ANK1: variants seen among roughly 807,000 people sequenced by gnomAD.
ANK1 encodes ankyrin-1.
Under a neutral mutation model 210.4 loss-of-function variants are expected in ANK1, and 51 were observed. The ratio of observed to expected loss-of-function variants is 0.24; its 90% CI spans 0.19 to 0.31. ANK1 has a LOEUF of 0.31. Among genes scored for constraint, ANK1 ranks in the 10% least tolerant of loss-of-function variants. The pLI is 1.00. For synonymous variants in ANK1, 967 were observed against 1,025.9 expected, an observed-to-expected ratio of 0.94 and a Z score of 1.10; for missense variants, 2,051 against 2,504.4, an observed-to-expected ratio of 0.82 and a Z score of 3.86.
At chr8:41,720,567 A>C (rs1328225071) in intron 9 of ANK1, among the ~76,000 whole-genome samples, 1 of 152,168 alleles carries the variant, frequency 6.6e-6, no homozygotes, top group Non-Finnish European at 1.5e-5. Flanking sequence ...GTATGGGTTA[A>C]GCTCTGGGGA....
intron 38 of ANK1, among the ~76,000 whole-genome samples, chr8:41,670,017 C>G (rs1811782445): frequency 6.6e-6 from 1 of 152,100 alleles, no homozygotes; most frequent in Admixed American, 6.5e-5. Context: ...TCATGCAGGC[C>G]TCCCCTGGCC....
chr8:41,714,022 C>T (rs963374887), intron 16 of ANK1, 134 bp downstream of exon 16: 9 of 543,040 alleles, frequency 1.7e-5, no homozygotes, highest in Non-Finnish European at 2.0e-5. Context: ...GAAAGTGAGG[C>T]GTGATTTCTG....
intron 29 of ANK1, 149 bp from the exon 30 acceptor site, chr8:41,693,350 T>A (rs914973351): frequency 1.5e-6 from 1 of 667,120 alleles, no homozygotes; most frequent in African/African-American, 1.8e-5. Flanking sequence ...ACCCCGCTGC[T>A]CTTCCTCCTA....
intron 13 of ANK1, 124 bp from the exon 14 acceptor site, chr8:41,715,973 A>G: frequency 1.9e-6 from 2 of 1,056,492 alleles, no homozygotes; most frequent in Middle Eastern, 2.8e-4. Context: ...TCACACAGCT[A>G]AGAAGATGAA....
intron 1 of ANK1, among the ~76,000 whole-genome samples, chr8:41,771,721 G>A (rs183825704): frequency 6.2e-4 from 94 of 152,274 alleles, no homozygotes; most frequent in African/African-American, 1.9e-3. Flanking sequence ...GTGGGGTTCT[G>A]TCCTCTGGGC....
chr8:41,832,733 C>CATT (rs1299870173), intron 1 of ANK1, among the ~76,000 whole-genome samples: 2 of 152,228 alleles, frequency 1.3e-5, no homozygotes, highest in African/African-American at 4.8e-5. Flanking sequence ...ATACCCAATA[C>CATT]ATTTGAATTT....
chr8:41,770,258 C>T (rs566598148), intron 1 of ANK1, among the ~76,000 whole-genome samples: 6 of 152,274 alleles, frequency 3.9e-5, no homozygotes, highest in African/African-American at 1.4e-4. Flanking sequence ...GTTGGGATTA[C>T]GGGCGTGAGC....
intron 1 of ANK1, among the ~76,000 whole-genome samples, chr8:41,784,057 C>CAA (rs34846355): frequency 1.9e-4 from 26 of 140,422 alleles, no homozygotes; most frequent in African/African-American, 4.6e-4. Context: ...GACCCTATCT[C>CAA]AAAAAAAAAA....
chr8:41,755,377 A>T (rs1838870209), intron 2 of ANK1, among the ~76,000 whole-genome samples: 1 of 152,164 alleles, frequency 6.6e-6, no homozygotes, highest in South Asian at 2.1e-4. Context: ...AGTCTAACAC[A>T]CGTTCAGTTG....
chr8:41,667,937 C>T (rs977093737), intron 39 of ANK1, among the ~76,000 whole-genome samples: 1 of 152,154 alleles, frequency 6.6e-6, no homozygotes, highest in African/African-American at 2.4e-5. Context: ...TTCTAAAACG[C>T]GACAGAACAA....
intron 39 of ANK1, 57 bp from the exon 40 acceptor site, chr8:41,663,799 G>A: frequency 7.1e-7 from 1 of 1,403,352 alleles, no homozygotes. Flanking sequence ...CTGGGAGGAA[G>A]GGTGGAGGAC....
At chr8:41,776,278 C>T (rs1239643323) in intron 1 of ANK1, among the ~76,000 whole-genome samples, 2 of 152,144 alleles carry the variant, frequency 1.3e-5, no homozygotes, top group Admixed American at 6.5e-5. Context: ...GAAAAAATGC[C>T]AGCCACCAAT....
intron 10 of ANK1, 90 bp downstream of exon 10, chr8:41,719,571 G>A (rs1022586986): frequency 2.1e-5 from 32 of 1,556,778 alleles, no homozygotes; most frequent in Admixed American, 3.3e-5. Flanking sequence ...GGCACCTGCC[G>A]CCCTTCCCAC....
At chr8:41,735,389 G>A (rs1052566728) in intron 2 of ANK1, among the ~76,000 whole-genome samples, 14 of 151,838 alleles carry the variant, frequency 9.2e-5, no homozygotes, top group Non-Finnish European at 8.8e-5. Context: ...CTCCTTCCCC[G>A]CCAGCAATTT....
At chr8:41,722,571 T>C (rs548992058) in intron 9 of ANK1, among the ~76,000 whole-genome samples, 1 of 152,346 alleles carries the variant, frequency 6.6e-6, no homozygotes, top group South Asian at 2.1e-4. Context: ...GTAACGGGCC[T>C]TTTCTCTGGC....
At chr8:41,800,904 G>A (rs900562773), upstream of ANK1, among the ~76,000 whole-genome samples, 7 of 151,868 alleles carry the variant, frequency 4.6e-5, no homozygotes, top group Admixed American at 2.0e-4. Context: ...TAGTAGAGAC[G>A]GGGTTTCACC....
intron 1 of ANK1, among the ~76,000 whole-genome samples, chr8:41,774,862 G>A (rs370432825): frequency 1.3e-5 from 2 of 152,214 alleles, no homozygotes; most frequent in South Asian, 2.1e-4. Flanking sequence ...GACTAGAGTG[G>A]AATTACACAC....
intron 1 of ANK1, among the ~76,000 whole-genome samples, chr8:41,810,303 A>T (rs1170049654): frequency 6.6e-6 from 1 of 152,244 alleles, no homozygotes; most frequent in East Asian, 1.9e-4. Context: ...CTGAATGTGC[A>T]CAACTTAGCT....
At chr8:41,671,047 T>C (rs978637686) in intron 38 of ANK1, among the ~76,000 whole-genome samples, 1 of 152,210 alleles carries the variant, frequency 6.6e-6, no homozygotes, top group South Asian at 2.1e-4. Flanking sequence ...GTGTAGGCCC[T>C]GGCCCAGATG....
Sources: gnomAD v4.1 joint callset for allele counts (sites outside exome capture counted in the v4.1 genomes callset) on GRCh38, gnomAD v4.1.1 for gene constraint, MANE v1.5 for transcripts, NCBI Gene and HGNC (gene_info 2026-07-23, HGNC 2026-07-21) for gene names.